Variants in ATP10D observed in about 807,000 individuals in gnomAD.
ATP10D encodes phospholipid-transporting ATPase VD.
ATP10D carries 89 observed loss-of-function variants against 144.8 expected under a neutral mutation model. The ratio of observed to expected loss-of-function variants is 0.61; its 90% CI spans 0.52 to 0.73. The LOEUF is 0.73. Among genes scored for constraint, ATP10D ranks in the 30% least tolerant of loss-of-function variants. The probability of loss-of-function intolerance (pLI) is 0.00; values close to 1 mark genes in which losing one functional copy is unlikely to be tolerated. For synonymous variants in ATP10D, 571 were observed against 615.1 expected (o/e 0.93, Z 1.06); for missense variants, 1,603 against 1,714.8 (o/e 0.93, Z 1.15).
At chr4:47,515,768 T>C (rs1217208045) in intron 3 of ATP10D, 98 bp downstream of exon 3, 1 of 934,190 alleles carries the variant, frequency 1.1e-6, no homozygotes, top group Non-Finnish European at 1.6e-6. Context: ...AGGACCCTTT[T>C]GTGGTGGTGT....
intron 3 of ATP10D, among the ~76,000 whole-genome samples, chr4:47,519,132 A>C (rs1324544702): frequency 1.3e-5 from 2 of 152,228 alleles, no homozygotes; most frequent in African/African-American, 4.8e-5. Flanking sequence ...AAAAATACCA[A>C]AAAGAATAAT....
At chr4:47,555,147 A>T (rs571451128) in intron 11 of ATP10D, among the ~76,000 whole-genome samples, 14 of 152,228 alleles carry the variant, frequency 9.2e-5, no homozygotes, top group Admixed American at 3.3e-4. Flanking sequence ...ACCAGTCTGC[A>T]CAGCAGGAGG....
chr4:47,591,051 C>G lies in ATP10D; in HGVS notation c.3951C>G (p.Tyr1317Ter), dbSNP rs761263984. The change falls in exon 23 of 23, where the codon TAC becomes TAG. Residue 1317 changes from tyrosine (Y) to a stop codon, truncating the protein, a stop_gained. Transcript: ENST00000273859. LOFTEE classifies it low-confidence loss of function (END_TRUNC). ...TSIALLPRFV[Y>*]RVLQGSLFPS... The stretch of plus-strand genomic sequence containing the variant: ...GTTCCTTGTCACCTAGGTTTGTATA[C>G]AGAGTTCTTCAGGGATCCCTGTTTC... The G allele has an allele frequency of 9.4e-6, 15 of 1,598,094 alleles. No homozygotes were observed. The South Asian group carries it at 1.7e-4, about 18-fold the overall frequency.
At chr4:47,569,824 AG>A (rs2109461463) in intron 16 of ATP10D, among the ~76,000 whole-genome samples, 1 of 152,320 alleles carries the variant, frequency 6.6e-6, no homozygotes, top group South Asian at 2.1e-4. Context: ...GAAATCATAA[AG>A]GGGCCATGGG....
At chr4:47,554,091 T>G (rs1360499875) in intron 10 of ATP10D, among the ~76,000 whole-genome samples, 1 of 152,226 alleles carries the variant, frequency 6.6e-6, no homozygotes, top group Non-Finnish European at 1.5e-5. Flanking sequence ...ATGGAGTACA[T>G]TTTTTCAATA....
At chr4:47,517,522 A>T (rs1184530956) in intron 3 of ATP10D, among the ~76,000 whole-genome samples, 4 of 152,202 alleles carry the variant, frequency 2.6e-5, no homozygotes, top group Non-Finnish European at 5.9e-5. Flanking sequence ...TCTCTCAGTT[A>T]GCTGTGCAAC....
At chr4:47,569,255 T>A in intron 16 of ATP10D, 109 bp downstream of exon 16, 1 of 1,232,898 alleles carries the variant, frequency 8.1e-7, no homozygotes, top group Non-Finnish European at 1.1e-6. Context: ...TCCTCCTCCC[T>A]TTTTCTCTAC....
At chr4:47,508,737 T>C (rs1409447898) in intron 1 of ATP10D, among the ~76,000 whole-genome samples, 2 of 152,244 alleles carry the variant, frequency 1.3e-5, no homozygotes, top group African/African-American at 4.8e-5. Flanking sequence ...TTTATGTGAA[T>C]TTATCTCTAT....
chr4:47,544,683 G>A (rs180724633), intron 9 of ATP10D, among the ~76,000 whole-genome samples: 1 of 152,282 alleles, frequency 6.6e-6, no homozygotes, highest in Admixed American at 6.5e-5. Flanking sequence ...GTTGGTACTG[G>A]AACCTAGGAT....
At chr4:47,544,237 GTGCCTGGTACATAAGCAAA>G (rs972314895) in intron 9 of ATP10D, among the ~76,000 whole-genome samples, 2 of 152,208 alleles carry the variant, frequency 1.3e-5, no homozygotes, top group African/African-American at 2.4e-5. Flanking sequence ...AATGAGGCAA[GTGCCTGGTACATAAGCAAA>G]TGCCTGGTAC....
At chr4:47,550,164 G>A (rs1297000251) in intron 10 of ATP10D, among the ~76,000 whole-genome samples, 2 of 152,016 alleles carry the variant, frequency 1.3e-5, no homozygotes, top group East Asian at 3.9e-4. Context: ...AGAGCTCCTT[G>A]GTCAACTTTA....
chr4:47,486,054 G>C (rs1211379934), intron 1 of ATP10D, among the ~76,000 whole-genome samples: 1 of 152,188 alleles, frequency 6.6e-6, no homozygotes, highest in Admixed American at 6.5e-5. Flanking sequence ...AGAAAAAGGT[G>C]TTTGTATTGG....
Position 47,485,381 on chromosome 4 carries a change from AT to A in ATP10D, c.-164del, listed in dbSNP as rs200496411. 0.14 allele frequency: 20,033 copies of A among 145,938 alleles called. 2,059 individuals carry two copies. The highest frequency in any genetic ancestry group is 0.57 in the East Asian group (2,889 of 5,074). 9.0% of individuals were successfully genotyped at this position (145,938 alleles called of 1,614,324 possible). A position where few individuals can be genotyped will look rare whatever the true frequency, so the allele number is the denominator to read the frequency against. ...GCTGAGTTTGGGAGATGTCTAAGTGATTTTTTTTTTTTCCCGGAAGGCAAAT... is the reference window on the plus strand; with the variant it reads ...GCTGAGTTTGGGAGATGTCTAAGTGATTTTTTTTTTTCCCGGAAGGCAAAT... On this transcript the variant is annotated 5_prime_UTR_variant, in exon 1 of 23. Transcript: ENST00000273859.
intron 5 of ATP10D, among the ~76,000 whole-genome samples, chr4:47,534,000 C>T (rs1717698889): frequency 6.6e-6 from 1 of 152,120 alleles, no homozygotes; most frequent in South Asian, 2.1e-4. Flanking sequence ...CAAATATCTA[C>T]AATTGTCTGA....
At chr4:47,540,414 C>T (rs1009345378) in intron 9 of ATP10D, among the ~76,000 whole-genome samples, 3 of 152,158 alleles carry the variant, frequency 2.0e-5, no homozygotes, top group Admixed American at 6.5e-5. Flanking sequence ...TTTTAAATTG[C>T]AGAAACTCAG....
intron 5 of ATP10D, among the ~76,000 whole-genome samples, chr4:47,533,631 CA>C (rs1717680521): frequency 6.6e-6 from 1 of 152,154 alleles, no homozygotes; most frequent in Non-Finnish European, 1.5e-5. Context: ...AGGACAGTTT[CA>C]AAATATGTGA....
At chr4:47,491,192 G>A in intron 1 of ATP10D, 2 of 750,724 alleles carry the variant, frequency 2.7e-6, no homozygotes, top group South Asian at 2.7e-5. Flanking sequence ...TGCTCAATAT[G>A]CACATTAATT....
chr4:47,492,936 A>G (rs180703767), intron 1 of ATP10D, among the ~76,000 whole-genome samples: 76 of 152,314 alleles, frequency 5.0e-4, no homozygotes, highest in African/African-American at 1.8e-3. Flanking sequence ...TGAGCTAATA[A>G]TCTGTGGGAG....
rs907291448 is a variant in ATP10D at position 47,572,207 on chromosome 4, G to A, written c.3217G>A (p.Val1073Ile). ...ACAAGTGGCAGACATTGGGATAGGG[G>A]TCTCAGGTCAAGAAGGCATGCAGGT... is the stretch of plus-strand genomic sequence containing the variant. ...MIQVADIGIG[V>I]SGQEGMQAVM... The change falls in exon 17 of 23, where the codon GTC becomes ATC. Residue 1073 changes from valine (V) to isoleucine (I), a missense_variant. Coordinates refer to ENST00000273859, the MANE Select transcript of ATP10D (RefSeq NM_020453.4). The A allele has an allele frequency of 6.2e-7, 1 of 1,613,948 alleles. No individual in the cohort carries two copies. The highest frequency in any genetic ancestry group is 8.5e-7 in the Non-Finnish European group (1 of 1,180,000).
Sources: gnomAD v4.1 joint callset for allele counts (sites outside exome capture counted in the v4.1 genomes callset) on GRCh38, gnomAD v4.1.1 for gene constraint, MANE v1.5 for transcripts, NCBI Gene and HGNC (gene_info 2026-07-23, HGNC 2026-07-21) for gene names.